The following HELB variants were observed in gnomAD, a reference collection of about 807,000 sequenced individuals.
The protein encoded by HELB is DNA helicase B.
A neutral mutation model predicts 101.7 loss-of-function variants in HELB; 96 were observed. That is an observed-to-expected ratio of 0.94 (90% confidence interval 0.80 to 1.12). The LOEUF is 1.12. Among genes scored for constraint, HELB ranks in the 50% most tolerant of loss-of-function variants. The pLI is 0.00. For missense variants in HELB, 1,210 were observed against 1,291.9 expected (o/e 0.94, Z 0.97); for synonymous variants, 437 against 459.7 (o/e 0.95, Z 0.63).
intron 9 of HELB, 39 bp downstream of exon 9, chr12:66,322,822 C>A: frequency 1.5e-6 from 2 of 1,373,620 alleles, no homozygotes; most frequent in Non-Finnish European, 2.0e-6. Context: ...AAGGACAGTC[C>A]TTCTTCGATT....
chr12:66,315,904 C>T (rs77753137), intron 6 of HELB, among the ~76,000 whole-genome samples: 2,867 of 152,258 alleles, frequency 0.019, 102 homozygotes, highest in African/African-American at 0.065. Flanking sequence ...TCTGTCAGCT[C>T]AGACATTTGG....
At chr12:66,316,567 AAATAATAATAATAAT>A (rs59495617) in intron 6 of HELB, among the ~76,000 whole-genome samples, 1 of 145,082 alleles carries the variant, frequency 6.9e-6, no homozygotes, top group South Asian at 2.2e-4. Flanking sequence ...TGATAAGCTA[AAATAATAATAATAAT>A]AATAATAATA....
At chr12:66,335,853 T>A (rs1306852459) in intron 12 of HELB, among the ~76,000 whole-genome samples, 2 of 152,200 alleles carry the variant, frequency 1.3e-5, no homozygotes, top group African/African-American at 4.8e-5. Context: ...TCCAAGCTGA[T>A]CACCTCATGC....
At position 66,322,017 on chromosome 12, in the gene HELB, T is replaced by C; in HGVS notation, c.2225T>C (p.Ile742Thr). 2 of 1,139,908 alleles carry C rather than the reference T, an allele frequency of 1.8e-6. No homozygotes were observed. The highest frequency in any genetic ancestry group is 2.6e-6 in the Non-Finnish European group (2 of 781,086). 70.6% of individuals were successfully genotyped at this position (1,139,908 alleles called of 1,614,324 possible). A position where few individuals can be genotyped will look rare whatever the true frequency, so the allele number is the denominator to read the frequency against. ...NLQNAKTSQF[I>T]AFRRQDCDLI... ...CAAAATGCAAAAACATCACAATTTA[T>C]TGCATTTAGAAGGTAAAGCATTTAT... The change falls in exon 8 of 13, where the codon ATT becomes ACT. Residue 742 changes from isoleucine to threonine, a missense_variant. This residue lies in a region of HELB where 740 missense variants were observed against 728.8 expected (regional missense o/e 1.02). Transcript: ENST00000247815.
At chr12:66,342,757 C>A (rs1056306065), downstream of HELB, 3 of 150,818 alleles carry the variant, frequency 2.0e-5, no homozygotes, top group Non-Finnish European at 4.4e-5. Context: ...TGCAATGGTG[C>A]CATCTCAGCT....
intron 3 of HELB, among the ~76,000 whole-genome samples, chr12:66,307,902 T>C (rs559019666): frequency 1.3e-5 from 2 of 151,854 alleles, no homozygotes; most frequent in African/African-American, 2.4e-5. Flanking sequence ...AGATAATTTT[T>C]GTATTTTTAG....
At chr12:66,315,137 GT>G in intron 5 of HELB, 104 bp from the exon 6 acceptor site, 1 of 734,524 alleles carries the variant, frequency 1.4e-6, no homozygotes, top group Non-Finnish European at 2.0e-6. Flanking sequence ...TTTAAATGTT[GT>G]TTTTTGTAAG....
In HELB at chr12:66,328,729, G is replaced by A. The variant is rs543243442; in HGVS notation, c.2671-2425G>A. ...GAAAATTTAGTATCTAAATTGAAAT[G>A]TTCTGGTTGTATAAAATATAGAATT... is the stretch of plus-strand genomic sequence containing the variant. On this transcript the variant is annotated intron_variant, in intron 11 of 12. Transcript: ENST00000247815. Among the ~76,000 whole-genome samples, 4 of 152,206 alleles carry A rather than the reference G, an allele frequency of 2.6e-5. No individual in the cohort carries two copies. In the East Asian group the frequency reaches 7.7e-4, roughly 29 times the overall value.
intron 12 of HELB, 112 bp from the exon 13 acceptor site, chr12:66,337,889 G>A: frequency 3.1e-6 from 2 of 641,798 alleles, no homozygotes; most frequent in Non-Finnish European, 2.7e-6. Flanking sequence ...GCCTTTCAAG[G>A]GTTGGGGAAG....
intron 8 of HELB, among the ~76,000 whole-genome samples, chr12:66,322,437 C>T (rs2053680861): frequency 1.3e-5 from 2 of 151,528 alleles, no homozygotes; most frequent in Admixed American, 1.3e-4. Flanking sequence ...TCATGGCACA[C>T]ACCTGTAATC....
intron 9 of HELB, 34 bp downstream of exon 9, chr12:66,322,817 C>A: frequency 7.0e-7 from 1 of 1,428,144 alleles, no homozygotes; most frequent in South Asian, 1.2e-5. Context: ...CTTTTAAGGA[C>A]AGTCCTTCTT....
intron 11 of HELB, among the ~76,000 whole-genome samples, chr12:66,327,922 T>C (rs2053760974): frequency 6.6e-6 from 1 of 152,220 alleles, no homozygotes; most frequent in Admixed American, 6.5e-5. Context: ...ATTGAGAAGA[T>C]AACATTTTAT....
chr12:66,302,562 C>T lies in HELB; in HGVS notation c.-42C>T. On this transcript the variant is annotated 5_prime_UTR_variant, in exon 1 of 13. Coordinates refer to ENST00000247815, the MANE Select transcript of HELB (RefSeq NM_001370285.1). The stretch of plus-strand genomic sequence containing the variant: ...TGGCTGATCATGACCATGCAGTTAG[C>T]CAGGGTTTTCCCGAGTTGTTTGGGT... 2 of 1,585,808 alleles carry T rather than the reference C, an allele frequency of 1.3e-6. No individual in the cohort carries two copies. Among genetic ancestry groups the T allele is most frequent in the East Asian group, 4.5e-5 (2 of 44,552 alleles).
chr12:66,318,136 A>G (rs1319638820), intron 6 of HELB, among the ~76,000 whole-genome samples: 1 of 152,192 alleles, frequency 6.6e-6, no homozygotes, highest in Non-Finnish European at 1.5e-5. Flanking sequence ...ACATATGGAA[A>G]AGGCCTGAAC....
downstream of HELB, chr12:66,342,750 A>G (rs2053927211): frequency 6.7e-6 from 1 of 149,636 alleles, no homozygotes; most frequent in Non-Finnish European, 1.5e-5. Context: ...GCTGGAGTGC[A>G]ATGGTGCCAT....
At chr12:66,306,275 A>T (rs2053474123) in intron 2 of HELB, 70 bp from the exon 3 acceptor site, 2 of 1,211,966 alleles carry the variant, frequency 1.7e-6, no homozygotes, top group East Asian at 5.1e-5. Flanking sequence ...GCAAAATGAG[A>T]AAGTACTTCA....
rs768121863 is a variant in HELB, at chr12:66,310,244, A to G, written c.1316A>G (p.Glu439Gly). ...AATGGTGAAAATGAAATTAATGCAG[A>G]AATAAGTGAAGTTCAGCTGGATCAG... The part of the protein sequence containing the change: ...WTNGENEINA[E>G]ISEVQLDQDQ... Residue 439 changes from glutamate (E) to glycine (G), a missense_variant, in exon 4 of 13, where the codon GAA (glutamate) becomes GGA (glycine). This residue lies in a region of HELB where 470 missense variants were observed against 563.1 expected (regional missense o/e 0.83). Coordinates refer to ENST00000247815, the MANE Select transcript of HELB (RefSeq NM_001370285.1). 6.2e-7 allele frequency: 1 copy of G among 1,614,130 alleles called. No homozygotes were observed. The highest frequency in any genetic ancestry group is 1.7e-5 in the Admixed American group (1 of 60,024).
Position 66,310,435 on chromosome 12 carries a change from G to T in HELB, c.1507G>T (p.Ala503Ser), listed in dbSNP as rs771324513. 6.2e-6 allele frequency: 10 copies of T among 1,614,142 alleles called. No homozygotes were observed. Among genetic ancestry groups the T allele is most frequent in the Non-Finnish European group, 5.9e-6 (7 of 1,180,022 alleles). ...EQLEEREVKK[A>S]CEDFEQDQNA... is the part of the protein sequence containing the mutation. ...GTTGGAAGAAAGAGAAGTAAAAAAA[G>T]CCTGTGAAGATTTTGAACAAGACCA... Residue 503 changes from alanine (A) to serine (S), a missense_variant, in exon 4 of 13, where the codon GCC (alanine) becomes TCC (serine). Physicochemically the swap from Ala to Ser is moderately conservative, Grantham distance 99. Coordinates refer to ENST00000247815, the MANE Select transcript of HELB (RefSeq NM_001370285.1).
chr12:66,305,620 C>G (rs1322776138), intron 2 of HELB, among the ~76,000 whole-genome samples: 1 of 151,934 alleles, frequency 6.6e-6, no homozygotes. Context: ...TGATATATAC[C>G]TGTAGTCCCA....
Sources: gnomAD v4.1 joint callset for allele counts (sites outside exome capture counted in the v4.1 genomes callset) on GRCh38, gnomAD v4.1.1 for gene constraint, gnomAD v4.1.1 regional missense constraint, MANE v1.5 for transcripts, NCBI Gene and HGNC (gene_info 2026-07-23, HGNC 2026-07-21) for gene names.